The following SUPT3H variants were observed in gnomAD, a reference collection of about 807,000 sequenced individuals.
SUPT3H encodes transcription initiation protein SPT3 homolog.
SUPT3H carries 44 observed loss-of-function variants against 44.3 expected under a neutral mutation model. The ratio of observed to expected loss-of-function variants is 0.99; its 90% CI spans 0.78 to 1.28. SUPT3H has a LOEUF of 1.28. SUPT3H is among the 50% of genes most tolerant of loss of function. SUPT3H has a pLI of 0.00. For missense variants in SUPT3H, 380 were observed against 387.1 expected (o/e 0.98, Z 0.15); for synonymous variants, 124 against 125.6 (o/e 0.99, Z 0.09).
intron 2 of SUPT3H, among the ~76,000 whole-genome samples, chr6:45,182,248 TTTA>T (rs1436227249): frequency 6.6e-6 from 1 of 152,166 alleles, no homozygotes; most frequent in Non-Finnish European, 1.5e-5. Flanking sequence ...GTTTGCCTTT[TTTA>T]TTTTTATTTT....
At chr6:45,374,789 G>T (rs149602145) in intron 1 of SUPT3H, among the ~76,000 whole-genome samples, 17 of 152,226 alleles carry the variant, frequency 1.1e-4, no homozygotes, top group African/African-American at 4.1e-4. Context: ...GCTGCTAAAG[G>T]TTTATATTCA....
chr6:45,065,782 G>C (rs2153546949), intron 3 of SUPT3H, among the ~76,000 whole-genome samples: 1 of 151,860 alleles, frequency 6.6e-6, no homozygotes, highest in South Asian at 2.1e-4. Context: ...TCTCTGAATA[G>C]ACCAATAACA....
intron 6 of SUPT3H, among the ~76,000 whole-genome samples, chr6:44,997,550 C>G (rs1781428158): frequency 6.6e-6 from 1 of 151,764 alleles, no homozygotes; most frequent in African/African-American, 2.4e-5. Context: ...AAGACTTTTA[C>G]TGGCTTCAGT....
intron 3 of SUPT3H, among the ~76,000 whole-genome samples, chr6:45,085,217 T>C (rs1796339899): frequency 6.6e-6 from 1 of 152,118 alleles, no homozygotes; most frequent in East Asian, 1.9e-4. Flanking sequence ...AAAAATGTGA[T>C]TTGAAATTTT....
intron 10 of SUPT3H, among the ~76,000 whole-genome samples, chr6:44,840,051 A>C (rs1462109968): frequency 6.6e-6 from 1 of 152,246 alleles, no homozygotes; most frequent in African/African-American, 2.4e-5. Context: ...ATTCTTGTCC[A>C]AACTGGTTGG....
chr6:44,941,780 C>T lies in SUPT3H; in HGVS notation c.802-9017G>A, dbSNP rs62436393. Reference sequence around the variant, plus strand: ...ATCAAATTTCTTGGCTTGTAATACACGTAGTGAGTGTAGAGATTTTATTAT... The same window carrying T: ...ATCAAATTTCTTGGCTTGTAATACATGTAGTGAGTGTAGAGATTTTATTAT... On this transcript the variant is annotated intron_variant, in intron 9 of 10. Transcript: ENST00000371459. Among the ~76,000 whole-genome samples the T allele has an allele frequency of 7.3e-3, 1,107 of 152,104 alleles. 9 individuals are homozygous for T. The highest frequency in any genetic ancestry group is 8.6e-3 in the Non-Finnish European group (585 of 67,970).
chr6:45,309,117 C>T (rs1213471813), intron 2 of SUPT3H, among the ~76,000 whole-genome samples: 1 of 149,056 alleles, frequency 6.7e-6, no homozygotes, highest in East Asian at 2.0e-4. Flanking sequence ...TATGATAACA[C>T]TGTGAGTGTT....
chr6:44,998,843 T>C (rs185918630), intron 6 of SUPT3H, among the ~76,000 whole-genome samples: 2 of 152,100 alleles, frequency 1.3e-5, no homozygotes, highest in East Asian at 3.9e-4. Context: ...GAATGTTTGG[T>C]TTATTTTCAT....
intron 3 of SUPT3H, among the ~76,000 whole-genome samples, chr6:45,101,191 C>T (rs1195248306): frequency 1.3e-5 from 2 of 152,170 alleles, no homozygotes; most frequent in Non-Finnish European, 2.9e-5. Context: ...TTTGGGAGGC[C>T]AAGGCAGACA....
At chr6:44,926,489 A>C (rs1434755436) in intron 10 of SUPT3H, among the ~76,000 whole-genome samples, 2 of 152,144 alleles carry the variant, frequency 1.3e-5, no homozygotes, top group Admixed American at 6.5e-5. Flanking sequence ...TTAATTACAA[A>C]AATTTATTCA....
At chr6:45,332,633 C>T (rs543791768) in intron 2 of SUPT3H, among the ~76,000 whole-genome samples, 1 of 151,834 alleles carries the variant, frequency 6.6e-6, no homozygotes, top group African/African-American at 2.4e-5. Flanking sequence ...AATACTATTA[C>T]CTAACAAAAA....
chr6:45,097,870 CAA>C (rs1798013217), intron 3 of SUPT3H: 1 of 152,372 alleles, frequency 6.6e-6, no homozygotes, highest in Admixed American at 6.6e-5. Context: ...TCATACTGGA[CAA>C]AGACACTTAT....
intron 10 of SUPT3H, among the ~76,000 whole-genome samples, chr6:44,831,166 G>A (rs113727053): frequency 9.9e-5 from 15 of 152,104 alleles, no homozygotes; most frequent in South Asian, 4.2e-4. Context: ...AGGCTTTGGC[G>A]CCCTGGCTGA....
intron 9 of SUPT3H, among the ~76,000 whole-genome samples, chr6:44,938,996 G>T (rs1442385922): frequency 6.6e-6 from 1 of 152,068 alleles, no homozygotes; most frequent in African/African-American, 2.4e-5. Flanking sequence ...CTAGATATAA[G>T]ATCATATAAT....
rs558843670 is a variant in SUPT3H, at chr6:44,977,885, TTG to T, written c.505-16059_505-16058del. On this transcript the variant is annotated intron_variant, in intron 6 of 10. Coordinates refer to ENST00000371459, the MANE Select transcript of SUPT3H (RefSeq NM_003599.4). ...TAGTGGCCCTGATAAGAAACTGGTTTTGTTTTATAGAATTGAAACCCTCAGAT... is the reference window on the plus strand; with the variant it reads ...TAGTGGCCCTGATAAGAAACTGGTTTTTTTATAGAATTGAAACCCTCAGAT... 2.2e-3 allele frequency among the ~76,000 whole-genome samples: 330 copies of T among 152,320 alleles called. 1 individual carries two copies. Among genetic ancestry groups the T allele is most frequent in the African/African-American group, 7.6e-3 (316 of 41,582 alleles).
chr6:45,193,122 C>T (rs952618381), intron 2 of SUPT3H, among the ~76,000 whole-genome samples: 2 of 151,948 alleles, frequency 1.3e-5, no homozygotes, highest in Admixed American at 1.3e-4. Flanking sequence ...GACCACCACG[C>T]TTTAAGAAAT....
intron 2 of SUPT3H, among the ~76,000 whole-genome samples, chr6:45,184,208 AAC>A (rs1370951720): frequency 1.3e-5 from 2 of 152,232 alleles, no homozygotes; most frequent in African/African-American, 4.8e-5. Context: ...AAGTTTTAGA[AAC>A]AGTGTGATGA....
intron 2 of SUPT3H, among the ~76,000 whole-genome samples, chr6:45,175,724 G>A (rs1283844345): frequency 1.3e-5 from 2 of 151,932 alleles, no homozygotes; most frequent in African/African-American, 4.8e-5. Context: ...AAAAAAAATG[G>A]TAATTTTTAG....
At chr6:45,249,072 T>A (rs6458434) in intron 2 of SUPT3H, among the ~76,000 whole-genome samples, 1 of 152,020 alleles carries the variant, frequency 6.6e-6, no homozygotes, top group Non-Finnish European at 1.5e-5. Context: ...AGAAACCACG[T>A]GATATCGTTT....
Sources: allele counts gnomAD v4.1 joint callset (sites outside exome capture counted in the v4.1 genomes callset), GRCh38; gene constraint gnomAD v4.1.1; transcripts MANE v1.5; gene names NCBI Gene and HGNC (gene_info 2026-07-23, HGNC 2026-07-21).